Variants in PIBF1 observed in about 807,000 individuals in gnomAD.
The protein encoded by PIBF1 is progesterone-induced-blocking factor 1.
PIBF1 carries 90 observed loss-of-function variants against 112.5 expected under a neutral mutation model. That is an observed-to-expected ratio of 0.80 (90% CI 0.67 to 0.95). The LOEUF (loss-of-function observed/expected upper bound fraction) is 0.95. Ranked by LOEUF, PIBF1 falls within the 40% of genes least tolerant of loss-of-function variation. PIBF1 has a pLI of 0.00. For missense variants in PIBF1, 915 were observed against 852.3 expected, an observed-to-expected ratio of 1.07 and a Z score of -0.92; for synonymous variants, 301 against 288.6, an observed-to-expected ratio of 1.04 and a Z score of -0.44.
chr13:72,906,164 G>A (rs926466123), intron 11 of PIBF1, among the ~76,000 whole-genome samples: 3 of 151,890 alleles, frequency 2.0e-5, no homozygotes, highest in African/African-American at 4.8e-5. Context: ...AAAGATAATG[G>A]ACTTTTCTGG....
chr13:72,984,540 A>T (rs770167307), intron 16 of PIBF1, among the ~76,000 whole-genome samples: 5 of 152,146 alleles, frequency 3.3e-5, no homozygotes, highest in Non-Finnish European at 5.9e-5. Flanking sequence ...TTTAAGCCTC[A>T]CAACAGCTCA....
intron 15 of PIBF1, 90 bp downstream of exon 15, chr13:72,965,494 A>G (rs1219421926): frequency 1.9e-6 from 2 of 1,031,710 alleles, no homozygotes; most frequent in Non-Finnish European, 1.4e-6. Flanking sequence ...AATCATGAAC[A>G]GAAAATTTAA....
chr13:72,793,170 A>G (rs2138406489), intron 3 of PIBF1, among the ~76,000 whole-genome samples: 1 of 152,310 alleles, frequency 6.6e-6, no homozygotes, highest in East Asian at 1.9e-4. Context: ...TTGAACTTGG[A>G]AATCATACAT....
intron 13 of PIBF1, among the ~76,000 whole-genome samples, chr13:72,928,474 TTG>T (rs1165913692): frequency 6.6e-6 from 1 of 152,108 alleles, no homozygotes; most frequent in Non-Finnish European, 1.5e-5. Context: ...AGTCTTGCTC[TTG>T]TCCCCCAGGC....
rs75998585 is a variant in PIBF1, at chr13:72,911,927, C to T, written c.1639+3246C>T. Among the ~76,000 whole-genome samples the T allele has an allele frequency of 6.6e-3, 987 of 148,434 alleles. 13 individuals carry two copies. Among genetic ancestry groups the T allele is most frequent in the African/African-American group, 0.023 (933 of 40,212 alleles). ...GGTGGATCACTTGAGCTCAGGAGTTCAAGATTAGCCTGACATGGTGAGACC... is the reference window on the plus strand; with the variant it reads ...GGTGGATCACTTGAGCTCAGGAGTTTAAGATTAGCCTGACATGGTGAGACC... On this transcript the variant is annotated intron_variant, in intron 12 of 17. Transcript: ENST00000326291.
intron 15 of PIBF1, among the ~76,000 whole-genome samples, chr13:72,966,980 G>A (rs762726806): frequency 2.0e-5 from 3 of 149,668 alleles, no homozygotes; most frequent in Non-Finnish European, 4.4e-5. Context: ...CTGTCACCCA[G>A]GCTGGAGTGC....
At chr13:72,795,298 G>T (rs1214544916) in intron 3 of PIBF1, 61 bp from the exon 4 acceptor site, 2 of 1,037,218 alleles carry the variant, frequency 1.9e-6, no homozygotes, top group African/African-American at 1.6e-5. Context: ...ATAGGAAACT[G>T]TGAGAAAATT....
chr13:72,879,812 A>G (rs2039548851), intron 10 of PIBF1, among the ~76,000 whole-genome samples: 1 of 152,254 alleles, frequency 6.6e-6, no homozygotes, highest in South Asian at 2.1e-4. Flanking sequence ...AAAAATAAAA[A>G]TAAATATTTA....
At chr13:72,849,669 G>A (rs1448298874) in intron 9 of PIBF1, among the ~76,000 whole-genome samples, 1 of 152,192 alleles carries the variant, frequency 6.6e-6, no homozygotes, top group Non-Finnish European at 1.5e-5. Context: ...AGGTGGTCAT[G>A]TAATATAAAT....
At chr13:72,998,471 T>TAA (rs71198167) in intron 16 of PIBF1, among the ~76,000 whole-genome samples, 2 of 135,810 alleles carry the variant, frequency 1.5e-5, no homozygotes, top group Non-Finnish European at 1.6e-5. Context: ...AGATCCTATC[T>TAA]AAAAAAAAAA....
chr13:72,925,587 G>A (rs1228793975), intron 13 of PIBF1, among the ~76,000 whole-genome samples: 2 of 132,322 alleles, frequency 1.5e-5, no homozygotes, highest in Non-Finnish European at 3.1e-5. Context: ...TGTTGCCCAG[G>A]CTGGAGTGCA....
At chr13:72,986,858 T>C (rs1268118810) in intron 16 of PIBF1, among the ~76,000 whole-genome samples, 1 of 151,828 alleles carries the variant, frequency 6.6e-6, no homozygotes, top group Non-Finnish European at 1.5e-5. Context: ...GCCCGGCTAA[T>C]TTTTTTGTAT....
chr13:72,840,373 T>C (rs2037553098), intron 9 of PIBF1, among the ~76,000 whole-genome samples: 1 of 152,186 alleles, frequency 6.6e-6, no homozygotes. Context: ...TGTGTGTGTT[T>C]AGGTAAATTA....
chr13:72,851,750 G>A (rs983844843), intron 9 of PIBF1, among the ~76,000 whole-genome samples: 2 of 152,184 alleles, frequency 1.3e-5, no homozygotes, highest in African/African-American at 4.8e-5. Context: ...TGCCACCTAT[G>A]GACCAATCAG....
chr13:72,876,416 G>GGT (rs1287349549), intron 10 of PIBF1, among the ~76,000 whole-genome samples: 1 of 151,606 alleles, frequency 6.6e-6, no homozygotes, highest in Non-Finnish European at 1.5e-5. Flanking sequence ...GGCTATTCTG[G>GGT]GTCTTTTGCC....
At chr13:73,014,732 C>T (rs147162421) in intron 17 of PIBF1, among the ~76,000 whole-genome samples, 10 of 150,828 alleles carry the variant, frequency 6.6e-5, no homozygotes, top group Admixed American at 6.7e-5. Context: ...GCTCTGTTGT[C>T]CAGGCTTGAG....
chr13:72,855,003 ATTG>A (rs2038350903), intron 10 of PIBF1, among the ~76,000 whole-genome samples: 1 of 152,168 alleles, frequency 6.6e-6, no homozygotes, highest in African/African-American at 2.4e-5. Flanking sequence ...TACACTTTCA[ATTG>A]TTTGACTGCA....
chr13:73,009,017 A>G (rs1179228374), intron 17 of PIBF1, among the ~76,000 whole-genome samples: 2 of 152,230 alleles, frequency 1.3e-5, no homozygotes, highest in African/African-American at 2.4e-5. Context: ...ATGTGGCCCT[A>G]TGAAGTCATC....
chr13:72,963,732 C>G (rs529165812), intron 14 of PIBF1, among the ~76,000 whole-genome samples: 1 of 151,992 alleles, frequency 6.6e-6, no homozygotes, highest in Non-Finnish European at 1.5e-5. Context: ...TACAACTCAG[C>G]AACAACAACA....
Sources: allele counts gnomAD v4.1 joint callset (sites outside exome capture counted in the v4.1 genomes callset), GRCh38; gene constraint gnomAD v4.1.1; transcripts MANE v1.5; gene names NCBI Gene and HGNC (gene_info 2026-07-23, HGNC 2026-07-21).